The following WNK2 variants were observed in gnomAD, a reference collection of about 807,000 sequenced individuals.
WNK2 encodes serine/threonine-protein kinase WNK2.
WNK2 carries 67 observed loss-of-function variants against 192.1 expected under a neutral mutation model. The observed-to-expected ratio is 0.35, with a 90% confidence interval of 0.29 to 0.43. The LOEUF is 0.43. Ranked by LOEUF, WNK2 falls within the 20% of genes least tolerant of loss-of-function variation. WNK2 has a pLI of 1.00. For synonymous variants in WNK2, 1,439 were observed against 1,393.9 expected (o/e 1.03, Z -0.72); for missense variants, 2,698 against 3,089.7 (o/e 0.87, Z 3.01).
At chr9:93,267,707 C>T in intron 16 of WNK2, 39 bp from the exon 17 acceptor site, 2 of 1,522,592 alleles carry the variant, frequency 1.3e-6, no homozygotes, top group Non-Finnish European at 8.9e-7. Flanking sequence ...TGGTCTTGGC[C>T]TTGCAGCTGG....
rs1414805653 is a variant in WNK2, at chr9:93,261,837, C to T, written c.3090C>T (p.Pro1030=). The part of the protein sequence containing the change: ...GSQILLGHPA[P]YAVDVAAQVP... Reference sequence around the variant, plus strand: ...AGATTCTGCTTGGCCACCCAGCTCCCTATGCTGTGGACGTCGCCGCTCAGG... The same window carrying T: ...AGATTCTGCTTGGCCACCCAGCTCCTTATGCTGTGGACGTCGCCGCTCAGG... The change falls in exon 13 of 30, where the codon CCC becomes CCT. Residue 1030 remains proline, a synonymous_variant. Coordinates refer to ENST00000427277, the MANE Select transcript of WNK2 (RefSeq NM_006648.4). The T allele has an allele frequency of 1.3e-6, 2 of 1,596,826 alleles. No homozygotes were observed. The highest frequency in any genetic ancestry group is 2.2e-5 in the East Asian group (1 of 44,790).
rs575389593 is a variant in WNK2 at position 93,295,177 on chromosome 9, C to T, written c.5708+2004C>T. Among the ~76,000 whole-genome samples the T allele has an allele frequency of 1.1e-4, 16 of 152,286 alleles. No homozygotes were observed. The South Asian group carries it at 1.7e-3, about 16-fold the overall frequency. On this transcript the variant is annotated intron_variant, in intron 23 of 29. Coordinates refer to ENST00000427277, the MANE Select transcript of WNK2 (RefSeq NM_006648.4). ...GAGTGGTCCAGGGCACCCCCTGTGT[C>T]GGAGCCACATTGCAGTCTGGGACCG...
In WNK2 at chr9:93,268,692, C is replaced by T. The variant is rs780145570; in HGVS notation, c.3979C>T (p.Pro1327Ser). ...PVAEHPAPEA[P>S]ESSPPLPLSS... Reference sequence around the variant, plus strand: ...GGCTGAGCACCCCGCCCCCGAGGCCCCTGAATCTTCGCCCCCACTTCCTCT... The same window carrying T: ...GGCTGAGCACCCCGCCCCCGAGGCCTCTGAATCTTCGCCCCCACTTCCTCT... The change falls in exon 19 of 30, where the codon CCT becomes TCT. Residue 1327 changes from proline to serine, a missense_variant. Pro to Ser is a moderately conservative substitution (Grantham distance 74). This residue lies in a region of WNK2 where 1,098 missense variants were observed against 1,101.0 expected (regional missense o/e 1.00). Coordinates refer to ENST00000427277, the MANE Select transcript of WNK2 (RefSeq NM_006648.4). The T allele has an allele frequency of 3.7e-6, 6 of 1,613,432 alleles. No homozygotes were observed. Among genetic ancestry groups the T allele is most frequent in the South Asian group, 3.3e-5 (3 of 91,022 alleles).
At chr9:93,283,784 G>A (rs1848064186) in intron 19 of WNK2, among the ~76,000 whole-genome samples, 1 of 152,178 alleles carries the variant, frequency 6.6e-6, no homozygotes, top group Non-Finnish European at 1.5e-5. Flanking sequence ...GTTGTGGCTG[G>A]TGGCTGGAAT....
intron 4 of WNK2, among the ~76,000 whole-genome samples, chr9:93,232,578 G>A (rs1362897260): frequency 1.3e-5 from 2 of 152,196 alleles, no homozygotes; most frequent in Non-Finnish European, 1.5e-5. Flanking sequence ...TCCTACTCAG[G>A]AGTGAACACT....
At chr9:93,187,043 T>A (rs1156653151) in intron 2 of WNK2, among the ~76,000 whole-genome samples, 4 of 152,162 alleles carry the variant, frequency 2.6e-5, no homozygotes, top group African/African-American at 9.7e-5. Context: ...GAGACGACTC[T>A]TGATTCTGGC....
Position 93,239,924 on chromosome 9 carries a change from A to G in WNK2, c.1490A>G (p.Glu497Gly). 6.2e-7 allele frequency: 1 copy of G among 1,612,496 alleles called. No individual in the cohort carries two copies. Among genetic ancestry groups the G allele is most frequent in the South Asian group, 1.1e-5 (1 of 90,518 alleles). ...AAGCCCAAGGACAATGGAGCCATAGAGTTCACCTTCGACCTGGAGAAGGAG... is the reference window on the plus strand; with the variant it reads ...AAGCCCAAGGACAATGGAGCCATAGGGTTCACCTTCGACCTGGAGAAGGAG... ...KGKPKDNGAIEFTFDLEKETP... is the reference protein window; with the variant it reads ...KGKPKDNGAIGFTFDLEKETP... Residue 497 changes from glutamate (E) to glycine (G), a missense_variant, in exon 7 of 30, where the codon GAG (glutamate) becomes GGG (glycine). Transcript: ENST00000427277. The surrounding 1 kb of genome is among the most constrained non-coding windows in gnomAD (Gnocchi z 4.2).
chr9:93,313,991 C>A (rs556065900), intron 28 of WNK2, among the ~76,000 whole-genome samples: 1 of 152,078 alleles, frequency 6.6e-6, no homozygotes, highest in South Asian at 2.1e-4. Context: ...AGCTGGGCTG[C>A]TGGGTGCAGT....
intron 21 of WNK2, 70 bp from the exon 22 acceptor site, chr9:93,292,238 G>C: frequency 6.4e-7 from 1 of 1,558,594 alleles, no homozygotes; most frequent in East Asian, 2.2e-5. Flanking sequence ...GGCTGCTTCG[G>C]GTCAGCTGTG....
chr9:93,269,364 A>G (rs11789016), intron 19 of WNK2, among the ~76,000 whole-genome samples: 10,942 of 152,278 alleles, frequency 0.072, 466 homozygotes, highest in Middle Eastern at 0.13. Context: ...TACTGATTCT[A>G]TAACTTGACA....
At chr9:93,304,872 C>T (rs1852228794) in intron 26 of WNK2, among the ~76,000 whole-genome samples, 1 of 152,216 alleles carries the variant, frequency 6.6e-6, no homozygotes, top group Non-Finnish European at 1.5e-5. Context: ...GTCTAGGAGC[C>T]GTCTGCACAC....
At position 93,208,486 on chromosome 9, in the gene WNK2, CTG is replaced by C. The variant is rs1173450091; in HGVS notation, c.682-21205_682-21204del. On this transcript the variant is annotated intron_variant, in intron 2 of 29. Transcript: ENST00000427277. ...CATGTTCTCCATGTGCATGTGTTCTCTGTGTGCATGTGTGTTCTCCACGTGTA... is the reference window on the plus strand; with the variant it reads ...CATGTTCTCCATGTGCATGTGTTCTCTGTGCATGTGTGTTCTCCACGTGTA... Among the ~76,000 whole-genome samples the C allele has an allele frequency of 4.6e-5, 7 of 152,142 alleles. No individual in the cohort carries two copies. In the South Asian group the frequency reaches 6.2e-4, roughly 14 times the overall value.
In WNK2 at chr9:93,257,193, T is replaced by C; in HGVS notation, c.2382+54T>C. 2 of 1,558,128 alleles carry C rather than the reference T, an allele frequency of 1.3e-6. No individual in the cohort carries two copies. The highest frequency in any genetic ancestry group is 1.7e-6 in the Non-Finnish European group (2 of 1,156,384). On this transcript the variant is annotated intron_variant, in intron 11 of 29. Coordinates refer to ENST00000427277, the MANE Select transcript of WNK2 (RefSeq NM_006648.4). This position sits in a 1 kb window ranked among gnomAD's most constrained non-coding sequence, Gnocchi z 4.7. ...TGGTGGCGCACGCTTTGCCAGGCCC[T>C]GGCTGGTGCACTAGGACACCCACAG...
intron 2 of WNK2, among the ~76,000 whole-genome samples, chr9:93,220,613 T>C (rs988107014): frequency 2.6e-5 from 4 of 152,142 alleles, no homozygotes; most frequent in African/African-American, 9.7e-5. Context: ...CCTGAGGCCC[T>C]AGCTGGGGAG....
chr9:93,198,602 G>A (rs537660298), intron 2 of WNK2, among the ~76,000 whole-genome samples: 1 of 152,346 alleles, frequency 6.6e-6, no homozygotes, highest in African/African-American at 2.4e-5. Flanking sequence ...ATGACATGAT[G>A]GACATGGAAG....
At chr9:93,195,699 C>CAAATA (rs1831123154) in intron 2 of WNK2, among the ~76,000 whole-genome samples, 1 of 41,664 alleles carries the variant, frequency 2.4e-5, no homozygotes, top group African/African-American at 1.2e-4. Context: ...GACTTTGTCT[C>CAAATA]AAAAAAAAAA....
intron 26 of WNK2, among the ~76,000 whole-genome samples, chr9:93,306,150 A>G (rs1191277516): frequency 6.6e-6 from 1 of 152,176 alleles, no homozygotes; most frequent in Non-Finnish European, 1.5e-5. Flanking sequence ...CCTTGTGGAT[A>G]CTGACTTGTT....
At chr9:93,289,652 C>T (rs1849001810) in intron 20 of WNK2, 32 bp downstream of exon 20, 17 of 1,431,960 alleles carry the variant, frequency 1.2e-5, no homozygotes, top group Non-Finnish European at 1.4e-5. Flanking sequence ...GAGACACTGC[C>T]CTGGGTCAGG....
chr9:93,263,913 C>T lies in WNK2; in HGVS notation c.3580-4C>T, dbSNP rs571295060. On this transcript the variant is annotated splice_polypyrimidine_tract_variant and splice_region_variant and intron_variant, in intron 15 of 29. Transcript: ENST00000427277. Reference sequence around the variant, plus strand: ...GTGGTGGGTGCTGATGCTGCCCCTTCCAGGTGTGCAACACTGGGGACAAGA... The same window carrying T: ...GTGGTGGGTGCTGATGCTGCCCCTTTCAGGTGTGCAACACTGGGGACAAGA... 6 of 1,610,858 alleles carry T rather than the reference C, an allele frequency of 3.7e-6. No homozygotes were observed. Among genetic ancestry groups the T allele is most frequent in the South Asian group, 1.1e-5 (1 of 90,736 alleles).
Sources: allele counts gnomAD v4.1 joint callset (sites outside exome capture counted in the v4.1 genomes callset), GRCh38; gene constraint gnomAD v4.1.1; regional missense constraint gnomAD v4.1.1; non-coding constraint Gnocchi (gnomAD v3.1); transcripts MANE v1.5; gene names NCBI Gene and HGNC (gene_info 2026-07-23, HGNC 2026-07-21).